OR9Q1: variants seen among roughly 807,000 people sequenced by gnomAD.
OR9Q1 encodes the protein olfactory receptor family 9 subfamily Q member 1.
For synonymous variants in OR9Q1, 153 were observed against 148.6 expected (o/e 1.03, Z -0.22); for missense variants, 374 against 378.8 (o/e 0.99, Z 0.11).
intron 2 of OR9Q1, among the ~76,000 whole-genome samples, chr11:58,076,013 C>T (rs1399343420): frequency 3.3e-5 from 5 of 152,266 alleles, no homozygotes; most frequent in South Asian, 2.1e-4. Flanking sequence ...CAGTCACACT[C>T]GTTTGTTTAT....
At chr11:58,031,866 T>G in intron 1 of OR9Q1, 1 of 1,613,774 alleles carries the variant, frequency 6.2e-7, no homozygotes, top group Non-Finnish European at 8.5e-7. Flanking sequence ...AAGGGAGCTC[T>G]GGGTCGAGTC....
intron 2 of OR9Q1, among the ~76,000 whole-genome samples, chr11:58,150,003 T>A (rs1294677919): frequency 6.6e-6 from 1 of 152,192 alleles, no homozygotes; most frequent in Non-Finnish European, 1.5e-5. Flanking sequence ...AATTGTTGGA[T>A]CATATGGTAA....
intron 2 of OR9Q1, among the ~76,000 whole-genome samples, chr11:58,137,491 G>T (rs1854200638): frequency 6.6e-6 from 1 of 152,138 alleles, no homozygotes; most frequent in Admixed American, 6.5e-5. Flanking sequence ...CAGAATTGGG[G>T]TCATTTGCCA....
intron 2 of OR9Q1, among the ~76,000 whole-genome samples, chr11:58,146,528 T>C (rs1199506850): frequency 6.6e-6 from 1 of 152,204 alleles, no homozygotes; most frequent in Non-Finnish European, 1.5e-5. Context: ...ATAGATATGG[T>C]TCCTTCAGCA....
At chr11:58,126,230 A>C (rs1854089206) in intron 2 of OR9Q1, among the ~76,000 whole-genome samples, 1 of 152,152 alleles carries the variant, frequency 6.6e-6, no homozygotes, top group South Asian at 2.1e-4. Context: ...TTAGAACCAC[A>C]TAATTTGGCA....
At chr11:58,035,290 C>CTA in intron 1 of OR9Q1, among the ~76,000 whole-genome samples, 1 of 152,144 alleles carries the variant, frequency 6.6e-6, no homozygotes, top group Non-Finnish European at 1.5e-5. Flanking sequence ...TTGTGGTAGA[C>CTA]AATCCACAGT....
At chr11:58,177,493 A>C (rs1204617421) in intron 2 of OR9Q1, among the ~76,000 whole-genome samples, 1 of 152,178 alleles carries the variant, frequency 6.6e-6, no homozygotes, top group East Asian at 1.9e-4. Context: ...TATATAAATA[A>C]TTTAGAATAG....
chr11:58,140,012 A>T (rs1285421103), intron 2 of OR9Q1, among the ~76,000 whole-genome samples: 2 of 151,768 alleles, frequency 1.3e-5, no homozygotes, highest in African/African-American at 2.4e-5. Flanking sequence ...TGTGGTTTTG[A>T]TTTTTGCATT....
intron 2 of OR9Q1, among the ~76,000 whole-genome samples, chr11:58,156,587 A>G (rs1366138477): frequency 6.6e-6 from 1 of 152,210 alleles, no homozygotes; most frequent in Non-Finnish European, 1.5e-5. Flanking sequence ...CTGTAATTGT[A>G]TAGGTATTTT....
intron 2 of OR9Q1, among the ~76,000 whole-genome samples, chr11:58,066,507 G>A (rs1381142448): frequency 6.6e-6 from 1 of 152,122 alleles, no homozygotes; most frequent in Non-Finnish European, 1.5e-5. Flanking sequence ...ATTGACTGTA[G>A]TTGAGCTCTC....
At chr11:58,094,697 C>A (rs1853714325) in intron 2 of OR9Q1, among the ~76,000 whole-genome samples, 1 of 152,076 alleles carries the variant, frequency 6.6e-6, no homozygotes, top group Non-Finnish European at 1.5e-5. Flanking sequence ...CTATTAGAAC[C>A]AATATTTTAC....
rs113649095 is a variant in OR9Q1, at chr11:58,089,362, A to G, written c.-15+33415A>G. Among the ~76,000 whole-genome samples the G allele has an allele frequency of 3.8e-3, 577 of 151,890 alleles. 15 individuals carry two copies. The highest frequency in any genetic ancestry group is 0.017 in the East Asian group (88 of 5,182). ...GGGATCCAGTTTCAGTTTTTTGCAT[A>G]TGGCTAGCCAGTTTTCCCAGCACCG... is the stretch of plus-strand genomic sequence containing the variant. On this transcript the variant is annotated intron_variant, in intron 2 of 2. Transcript: ENST00000335397.
chr11:58,156,954 T>A (rs67658128), intron 2 of OR9Q1, among the ~76,000 whole-genome samples: 37,440 of 152,078 alleles, frequency 0.25, 4,772 homozygotes, highest in Non-Finnish European at 0.26. Context: ...TGAACTTTTT[T>A]ATAAGATAAT....
At chr11:58,065,140 G>C (rs116093233) in intron 2 of OR9Q1, among the ~76,000 whole-genome samples, 1 of 152,246 alleles carries the variant, frequency 6.6e-6, no homozygotes, top group Non-Finnish European at 1.5e-5. Flanking sequence ...GACGGGACAC[G>C]TAAACAGGAA....
intron 2 of OR9Q1, among the ~76,000 whole-genome samples, chr11:58,167,091 C>T (rs1181413554): frequency 1.3e-5 from 2 of 152,190 alleles, no homozygotes; most frequent in Non-Finnish European, 2.9e-5. Flanking sequence ...TTCCTTATTA[C>T]CTTCCACTTA....
intron 2 of OR9Q1, among the ~76,000 whole-genome samples, chr11:58,154,932 G>T (rs995144383): frequency 6.6e-6 from 1 of 152,138 alleles, no homozygotes; most frequent in Non-Finnish European, 1.5e-5. Context: ...AGATGATAGT[G>T]ATTTTAAGGT....
At chr11:58,068,283 G>C (rs1853449550) in intron 2 of OR9Q1, among the ~76,000 whole-genome samples, 1 of 151,836 alleles carries the variant, frequency 6.6e-6, no homozygotes, top group Admixed American at 6.6e-5. Context: ...GGGAGGTGGA[G>C]GCTGTAGTGA....
At chr11:58,048,306 G>T (rs1204584064) in intron 1 of OR9Q1, among the ~76,000 whole-genome samples, 1 of 152,062 alleles carries the variant, frequency 6.6e-6, no homozygotes, top group Non-Finnish European at 1.5e-5. Context: ...ACCCTGATTT[G>T]ATCATTACAT....
At chr11:58,029,698 A>G (rs1187619189) in intron 1 of OR9Q1, among the ~76,000 whole-genome samples, 3 of 152,164 alleles carry the variant, frequency 2.0e-5, no homozygotes, top group African/African-American at 7.2e-5. Context: ...TTAAATTCAA[A>G]CCCAGTGTGG....
Sources: gnomAD v4.1 joint callset for allele counts (sites outside exome capture counted in the v4.1 genomes callset) on GRCh38, gnomAD v4.1.1 for gene constraint, MANE v1.5 for transcripts, NCBI Gene and HGNC (gene_info 2026-07-23, HGNC 2026-07-21) for gene names.